Variants in SYNJ2BP observed in about 807,000 individuals in gnomAD.
SYNJ2BP encodes the protein synaptojanin 2 binding protein, also known as synaptojanin-2-binding protein.
Under a neutral mutation model 16.9 loss-of-function variants are expected in SYNJ2BP, and 10 were observed. The ratio of observed to expected loss-of-function variants is 0.59; its 90% CI spans 0.36 to 1.00. SYNJ2BP has a LOEUF of 1.00. Ranked by LOEUF, SYNJ2BP falls within the 50% of genes least tolerant of loss-of-function variation. The pLI, the probability that SYNJ2BP is intolerant of heterozygous loss-of-function variation, is 0.01. For synonymous variants in SYNJ2BP, 54 were observed against 68.4 expected (o/e 0.79, Z 1.04); for missense variants, 162 against 186.7 (o/e 0.87, Z 0.77).
At chr14:70,396,584 GTATGTATGTGTGTA>G (rs1888102216) in intron 1 of SYNJ2BP, among the ~76,000 whole-genome samples, 1 of 150,956 alleles carries the variant, frequency 6.6e-6, no homozygotes, top group African/African-American at 2.4e-5. Flanking sequence ...GTGTATGTAT[GTATGTATGTGTGTA>G]TATGTATGTA....
At chr14:70,404,020 C>T (rs1176007714) in intron 1 of SYNJ2BP, among the ~76,000 whole-genome samples, 2 of 152,156 alleles carry the variant, frequency 1.3e-5, no homozygotes. Context: ...GCAAAATATG[C>T]ATGTATGTAA....
rs1887835631 is a variant in SYNJ2BP, at chr14:70,385,307, T to C, written c.201+3163A>G. Among the ~76,000 whole-genome samples, 5 of 152,232 alleles carry C rather than the reference T, an allele frequency of 3.3e-5. No individual in the cohort carries two copies. The South Asian group carries it at 8.3e-4, about 25-fold the overall frequency. On this transcript the variant is annotated intron_variant, in intron 2 of 3. Transcript: ENST00000256366. ...AGGTTTATTTCCTTATTTCTGATTC[T>C]ACCCTTTATAGAAAGACGAATTTCA...
intron 2 of SYNJ2BP, among the ~76,000 whole-genome samples, chr14:70,376,917 C>T (rs1472468163): frequency 1.3e-5 from 2 of 152,186 alleles, no homozygotes; most frequent in African/African-American, 4.8e-5. Context: ...CGCAATCTTC[C>T]TTCTCCAAGG....
intron 1 of SYNJ2BP, 85 bp from the exon 2 acceptor site, chr14:70,388,691 C>T (rs1887914352): frequency 7.2e-7 from 1 of 1,381,904 alleles, no homozygotes; most frequent in East Asian, 2.7e-5. Flanking sequence ...GGAGGGAAAG[C>T]CTACTGGGGA....
intron 1 of SYNJ2BP, 92 bp from the exon 2 acceptor site, chr14:70,388,698 G>T: frequency 3.6e-6 from 5 of 1,375,618 alleles, no homozygotes; most frequent in Non-Finnish European, 4.7e-6. Context: ...AAGCCTACTG[G>T]GGAGGAAAGG....
At chr14:70,376,249 A>G (rs1887627560) in intron 2 of SYNJ2BP, among the ~76,000 whole-genome samples, 1 of 152,238 alleles carries the variant, frequency 6.6e-6, no homozygotes, top group Non-Finnish European at 1.5e-5. Context: ...ATACTAGCCC[A>G]TTCTATTGGG....
At chr14:70,403,632 T>C (rs952535164) in intron 1 of SYNJ2BP, among the ~76,000 whole-genome samples, 2 of 152,200 alleles carry the variant, frequency 1.3e-5, no homozygotes, top group African/African-American at 4.8e-5. Flanking sequence ...AATTACCCTA[T>C]ATGGTCTAAA....
rs777672691 is a variant in SYNJ2BP, at chr14:70,372,949, G to T, written c.*42C>A. On this transcript the variant is annotated 3_prime_UTR_variant, in exon 4 of 4. Coordinates refer to ENST00000256366, the MANE Select transcript of SYNJ2BP (RefSeq NM_018373.3). ...AGAATAGCAGGGGTGGAGGGTGAGT[G>T]AAATGTATCTTCATTGGGAGTATTG... 6 of 1,610,292 alleles carry T rather than the reference G, an allele frequency of 3.7e-6. No homozygotes were observed. In the South Asian group the frequency reaches 6.6e-5, roughly 18 times the overall value.
chr14:70,372,862 A>T lies in SYNJ2BP; in HGVS notation c.*129T>A. ...GAAGAATTGGAGACTGTGAACAGCA[A>T]GGTTTGGGGTGGGTATCAGTCACTT... is the stretch of plus-strand genomic sequence containing the variant. On this transcript the variant is annotated 3_prime_UTR_variant, in exon 4 of 4. Transcript: ENST00000256366. 7.4e-7 allele frequency: 1 copy of T among 1,343,640 alleles called. No individual in the cohort carries two copies. The highest frequency in any genetic ancestry group is 1.0e-6 in the Non-Finnish European group (1 of 986,936). 83.2% of individuals were successfully genotyped at this position (1,343,640 alleles called of 1,614,324 possible).
chr14:70,389,570 G>A (rs549221297), intron 1 of SYNJ2BP, among the ~76,000 whole-genome samples: 61 of 152,106 alleles, frequency 4.0e-4, no homozygotes, highest in Non-Finnish European at 1.6e-4. Flanking sequence ...AGGACCAAAT[G>A]TGTTTTGAAT....
chr14:70,415,903 T>C (rs1888595381), intron 1 of SYNJ2BP, among the ~76,000 whole-genome samples: 2 of 152,334 alleles, frequency 1.3e-5, no homozygotes, highest in African/African-American at 4.8e-5. Flanking sequence ...GTTGTAAACA[T>C]TTTACATGGA....
intron 1 of SYNJ2BP, among the ~76,000 whole-genome samples, chr14:70,402,784 A>G (rs979635721): frequency 3.8e-4 from 58 of 152,346 alleles, no homozygotes; most frequent in African/African-American, 1.3e-3. Flanking sequence ...AATCTAATCA[A>G]GAAACGAACT....
intron 2 of SYNJ2BP, among the ~76,000 whole-genome samples, chr14:70,385,945 T>C (rs889083437): frequency 6.6e-6 from 1 of 152,202 alleles, no homozygotes; most frequent in Non-Finnish European, 1.5e-5. Flanking sequence ...TTAAACAAAA[T>C]AAATTTCAAG....
chr14:70,408,881 T>G (rs1489425634), intron 1 of SYNJ2BP, among the ~76,000 whole-genome samples: 1 of 152,076 alleles, frequency 6.6e-6, no homozygotes, highest in East Asian at 1.9e-4. Flanking sequence ...TCGCCCAGGC[T>G]GGAATGCAGT....
At chr14:70,379,692 A>G (rs147372558) in intron 2 of SYNJ2BP, among the ~76,000 whole-genome samples, 3 of 152,336 alleles carry the variant, frequency 2.0e-5, no homozygotes, top group African/African-American at 7.2e-5. Context: ...TGAATTCTCA[A>G]TGACTCAATT....
At chr14:70,416,826 G>T in intron 1 of SYNJ2BP, 74 bp downstream of exon 1, 1 of 1,606,252 alleles carries the variant, frequency 6.2e-7, no homozygotes. Context: ...AGGTGAATCC[G>T]GCTCAGCAGC....
chr14:70,405,397 C>T (rs1477768092), intron 1 of SYNJ2BP, among the ~76,000 whole-genome samples: 1 of 151,664 alleles, frequency 6.6e-6, no homozygotes, highest in Non-Finnish European at 1.5e-5. Context: ...TAGGTTGGTG[C>T]AAAAGTAATG....
chr14:70,373,019 G>A lies in SYNJ2BP; in HGVS notation c.410C>T (p.Ala137Val), dbSNP rs1887550113. 2.5e-6 allele frequency: 4 copies of A among 1,614,132 alleles called. No homozygotes were observed. In the East Asian group the frequency reaches 6.7e-5, roughly 27 times the overall value. Residue 137 changes from alanine to valine, a missense_variant, in exon 4 of 4, where the codon GCT (alanine) becomes GTT (valine). Physicochemically the swap from Ala to Val is moderately conservative, Grantham distance 64 (BLOSUM62 0). Coordinates refer to ENST00000256366, the MANE Select transcript of SYNJ2BP (RefSeq NM_018373.3). ...AAGTTGTTGCCGGTATCTCATGAAA[G>A]CCCAGGCTGCTACCATGGTGAGGGC... ...VFALTMVAAWAFMRYRQQL is the reference protein window; with the variant it reads ...VFALTMVAAWVFMRYRQQL
chr14:70,402,904 G>T (rs931224058), intron 1 of SYNJ2BP, among the ~76,000 whole-genome samples: 1 of 152,146 alleles, frequency 6.6e-6, no homozygotes, highest in Non-Finnish European at 1.5e-5. Context: ...ATCTCCATTT[G>T]TAAGGACATG....
Sources: gnomAD v4.1 joint callset for allele counts (sites outside exome capture counted in the v4.1 genomes callset) on GRCh38, gnomAD v4.1.1 for gene constraint, MANE v1.5 for transcripts, NCBI Gene and HGNC (gene_info 2026-07-23, HGNC 2026-07-21) for gene names.